Variants in CDH11 observed in about 807,000 individuals in gnomAD.
The protein encoded by CDH11 is cadherin-11.
CDH11 carries 11 observed loss-of-function variants against 67.8 expected under a neutral mutation model. The ratio of observed to expected loss-of-function variants is 0.16; its 90% CI spans 0.10 to 0.27. The LOEUF (loss-of-function observed/expected upper bound fraction) is 0.27, where lower values mean the gene tolerates loss of function less well. CDH11 is among the 10% of genes least tolerant of loss of function. The pLI is 1.00. For synonymous variants in CDH11, 419 were observed against 400.0 expected (o/e 1.05, Z -0.57); for missense variants, 847 against 1,031.2 (o/e 0.82, Z 2.45).
chr16:64,997,543 T>C (rs76203969), intron 4 of CDH11, among the ~76,000 whole-genome samples: 5,196 of 152,178 alleles, frequency 0.034, 164 homozygotes, highest in East Asian at 0.12. Context: ...GTTTCCTCTG[T>C]ATGGATTTAT....
At chr16:64,977,707 C>T (rs2142444374) in intron 8 of CDH11, among the ~76,000 whole-genome samples, 1 of 152,254 alleles carries the variant, frequency 6.6e-6, no homozygotes. Flanking sequence ...GGCTGAAATC[C>T]AGTGTTCAAT....
chr16:65,087,559 C>G (rs1008332225), intron 1 of CDH11, among the ~76,000 whole-genome samples: 6 of 152,010 alleles, frequency 3.9e-5, no homozygotes, highest in Non-Finnish European at 7.4e-5. Context: ...ATTAAAAACC[C>G]TACTGTTGGA....
chr16:65,039,780 A>G (rs12599669), intron 2 of CDH11, among the ~76,000 whole-genome samples: 78,671 of 151,954 alleles, frequency 0.52, 20,816 homozygotes, highest in East Asian at 0.78. Context: ...GGCAACCTAC[A>G]GAATGGGCGA....
chr16:65,004,373 T>A (rs975574875), intron 3 of CDH11, among the ~76,000 whole-genome samples: 1 of 152,196 alleles, frequency 6.6e-6, no homozygotes, highest in African/African-American at 2.4e-5. Flanking sequence ...ACCCCATATC[T>A]AAATAATATG....
At chr16:65,100,992 T>C (rs2074982070) in intron 1 of CDH11, among the ~76,000 whole-genome samples, 1 of 152,198 alleles carries the variant, frequency 6.6e-6, no homozygotes, top group South Asian at 2.1e-4. Flanking sequence ...AGACATTTAA[T>C]TGCTTTTCTA....
chr16:65,046,956 A>G (rs994005972), intron 2 of CDH11, among the ~76,000 whole-genome samples: 7 of 152,196 alleles, frequency 4.6e-5, no homozygotes, highest in Admixed American at 6.5e-5. Context: ...AAAAATACAG[A>G]AAATTAGCCA....
In CDH11 at chr16:64,972,055, T is replaced by G; in HGVS notation, c.1400A>C (p.His467Pro). 1 of 1,613,786 alleles carries G rather than the reference T, an allele frequency of 6.2e-7. No individual in the cohort carries two copies. Among genetic ancestry groups the G allele is most frequent in the South Asian group, 1.1e-5 (1 of 91,066 alleles). ...TVFAAEIHNR[H>P]QEAKVPVAIR... ...GGCCACTGGGACTTTGGCTTCCTGA[T>G]GCCGATTGTCTGGGAAGACAGAATG... Residue 467 changes from histidine (H) to proline (P), a missense_variant, in exon 10 of 13, where the codon CAT becomes CCT. By Grantham distance (77) the His-to-Pro change is moderately conservative. This residue lies in a region of CDH11 where 612 missense variants were observed against 678.7 expected (regional missense o/e 0.90). Coordinates refer to ENST00000268603, the MANE Select transcript of CDH11 (RefSeq NM_001797.4).
At chr16:65,104,483 T>A (rs1185743390) in intron 1 of CDH11, among the ~76,000 whole-genome samples, 2 of 152,200 alleles carry the variant, frequency 1.3e-5, no homozygotes, top group East Asian at 3.8e-4. Context: ...AGTCCCATTA[T>A]GCACTTGGCT....
chr16:65,030,129 C>T (rs894085040), intron 2 of CDH11, among the ~76,000 whole-genome samples: 2 of 152,084 alleles, frequency 1.3e-5, no homozygotes, highest in Non-Finnish European at 2.9e-5. Flanking sequence ...ACAAACTCTA[C>T]CGTATCTATG....
At chr16:65,053,352 C>T (rs925050996) in intron 2 of CDH11, among the ~76,000 whole-genome samples, 1 of 152,116 alleles carries the variant, frequency 6.6e-6, no homozygotes, top group African/African-American at 2.4e-5. Flanking sequence ...CCTCCTGGCT[C>T]GTGATCGAGG....
intron 1 of CDH11, among the ~76,000 whole-genome samples, chr16:65,106,943 G>T (rs533163394): frequency 4.6e-5 from 7 of 151,774 alleles, no homozygotes; most frequent in African/African-American, 1.5e-4. Context: ...GTATGCCTGA[G>T]AAAAGTCATG....
chr16:65,012,732 T>C (rs575605174), intron 2 of CDH11, among the ~76,000 whole-genome samples: 10 of 152,330 alleles, frequency 6.6e-5, no homozygotes, highest in African/African-American at 2.4e-4. Flanking sequence ...AAGCTTCCTG[T>C]ATGTAAACTC....
intron 9 of CDH11, 95 bp downstream of exon 9, chr16:64,972,809 G>A (rs545139620): frequency 7.6e-7 from 1 of 1,312,624 alleles, no homozygotes; most frequent in East Asian, 2.3e-5. Flanking sequence ...GACCAAAAAA[G>A]TTAGTCTATC....
At chr16:65,075,655 T>C (rs755206435) in intron 1 of CDH11, among the ~76,000 whole-genome samples, 1 of 152,186 alleles carries the variant, frequency 6.6e-6, no homozygotes, top group Non-Finnish European at 1.5e-5. Context: ...TAACAAGCAA[T>C]ACAGCCCTGA....
intron 1 of CDH11, among the ~76,000 whole-genome samples, chr16:65,066,269 GACA>G (rs1242209098): frequency 5.9e-5 from 9 of 152,090 alleles, no homozygotes; most frequent in African/African-American, 2.2e-4. Flanking sequence ...ATCACCTCCT[GACA>G]GTCCACCTTC....
intron 1 of CDH11, among the ~76,000 whole-genome samples, chr16:65,106,498 A>G (rs1245378132): frequency 1.3e-5 from 2 of 152,210 alleles, no homozygotes; most frequent in African/African-American, 4.8e-5. Context: ...AATTCGGTGT[A>G]GATTATTCTT....
At chr16:64,951,074 C>A (rs558670899) in intron 11 of CDH11, 56 bp from the exon 12 acceptor site, 4 of 1,560,906 alleles carry the variant, frequency 2.6e-6, no homozygotes, top group African/African-American at 1.4e-5. Context: ...GGAATCACAG[C>A]GGCTCTCTGC....
chr16:65,115,722 C>CAA (rs959719329), intron 1 of CDH11, among the ~76,000 whole-genome samples: 1 of 87,288 alleles, frequency 1.1e-5, no homozygotes, highest in African/African-American at 3.4e-5. Flanking sequence ...AAAAAAAAAA[C>CAA]AAAAAAACAA....
At chr16:64,996,342 T>A (rs2072763617) in intron 4 of CDH11, among the ~76,000 whole-genome samples, 1 of 151,900 alleles carries the variant, frequency 6.6e-6, no homozygotes, top group African/African-American at 2.4e-5. Flanking sequence ...TACAAAAAAA[T>A]TAGCCAGTGT....
Sources: allele counts gnomAD v4.1 joint callset (sites outside exome capture counted in the v4.1 genomes callset), GRCh38; gene constraint gnomAD v4.1.1; regional missense constraint gnomAD v4.1.1; transcripts MANE v1.5; gene names NCBI Gene and HGNC (gene_info 2026-07-23, HGNC 2026-07-21).